CAPN9: variants seen among roughly 807,000 people sequenced by gnomAD.
CAPN9 encodes calpain 9.
CAPN9 carries 81 observed loss-of-function variants against 92.8 expected under a neutral mutation model. The observed-to-expected ratio is 0.87, with a 90% CI of 0.73 to 1.05. The LOEUF is 1.05. Among genes scored for constraint, CAPN9 ranks in the 50% least tolerant of loss-of-function variants. The pLI is 0.00. For missense variants in CAPN9, 848 were observed against 866.2 expected (o/e 0.98, Z 0.26); for synonymous variants, 304 against 328.0 (o/e 0.93, Z 0.79).
At chr1:230,751,541 GA>G (rs72171772) in intron 1 of CAPN9, among the ~76,000 whole-genome samples, 37,325 of 135,768 alleles carry the variant, frequency 0.27, 6,183 homozygotes, top group Non-Finnish European at 0.34. Flanking sequence ...AAGAAAGATA[GA>G]AAAAAAGAAA....
At chr1:230,765,268 T>G (rs1194716156) in intron 4 of CAPN9, among the ~76,000 whole-genome samples, 1 of 134,728 alleles carries the variant, frequency 7.4e-6, no homozygotes. Flanking sequence ...CAAATGAGGT[T>G]ATGCCAAAAG....
At chr1:230,780,412 C>A in intron 10 of CAPN9, 76 bp downstream of exon 10, 1 of 1,596,908 alleles carries the variant, frequency 6.3e-7, no homozygotes, top group Non-Finnish European at 8.6e-7. Flanking sequence ...GGTCTCACAC[C>A]CGAGACTCAA....
chr1:230,771,470 T>C (rs1162260280), intron 6 of CAPN9, among the ~76,000 whole-genome samples: 2 of 152,248 alleles, frequency 1.3e-5, no homozygotes, highest in African/African-American at 4.8e-5. Flanking sequence ...AAGGAGAATA[T>C]TGGGTCTAGA....
intron 17 of CAPN9, 149 bp downstream of exon 17, chr1:230,793,077 G>T: frequency 1.5e-6 from 1 of 649,678 alleles, no homozygotes; most frequent in Non-Finnish European, 2.7e-6. Context: ...CCCTTGGAGT[G>T]GTGGCACCAG....
At chr1:230,766,106 T>A (rs1665969390) in intron 4 of CAPN9, among the ~76,000 whole-genome samples, 1 of 151,960 alleles carries the variant, frequency 6.6e-6, no homozygotes, top group Admixed American at 6.6e-5. Context: ...ATTATTTACT[T>A]TTTTTTGGAG....
chr1:230,796,000 T>C (rs1246231578), intron 18 of CAPN9, among the ~76,000 whole-genome samples: 4 of 148,004 alleles, frequency 2.7e-5, no homozygotes, highest in Non-Finnish European at 4.4e-5. Context: ...CTATGTTCCA[T>C]AGGCCACTTC....
rs780029795 is a variant in CAPN9 at position 230,747,685 on chromosome 1, C to G, written c.189C>G (p.Ile63Met). 2 of 1,614,186 alleles carry G rather than the reference C, an allele frequency of 1.2e-6. No homozygotes were observed. The highest frequency in any genetic ancestry group is 8.5e-7 in the Non-Finnish European group (1 of 1,180,028). Residue 63 changes from isoleucine (I) to methionine (M), a missense_variant, in exon 1 of 20, where the codon ATC (isoleucine) becomes ATG (methionine). Physicochemically the swap from Ile to Met is conservative, Grantham distance 10. Coordinates refer to ENST00000271971, the MANE Select transcript of CAPN9 (RefSeq NM_006615.3). ...TGTTCTACAGTGAGAGGCCGCAGAT[C>G]CCCTTTGTGTGGAAACGACCAGGGG... Reference protein sequence around the residue: ...SSLFYSERPQIPFVWKRPGEI... With the variant: ...SSLFYSERPQMPFVWKRPGEI...
At chr1:230,789,460 C>A (rs1667826633) in intron 13 of CAPN9, among the ~76,000 whole-genome samples, 1 of 115,306 alleles carries the variant, frequency 8.7e-6, no homozygotes, top group Non-Finnish European at 1.6e-5. Context: ...GATGACAGAG[C>A]AAGACCCTGT....
In CAPN9 at chr1:230,760,683, C is replaced by A. The variant is rs373907932; in HGVS notation, c.402+1053C>A. On this transcript the variant is annotated intron_variant, in intron 3 of 19. Transcript: ENST00000271971. ...GGGAAACTCTACCCCTGCTCTCTCACAGACCTGCCACCACCTGGCTGTCTC... is the reference window on the plus strand; with the variant it reads ...GGGAAACTCTACCCCTGCTCTCTCAAAGACCTGCCACCACCTGGCTGTCTC... 2.4e-4 allele frequency among the ~76,000 whole-genome samples: 36 copies of A among 152,252 alleles called. 1 individual carries two copies. In the East Asian group the frequency reaches 4.7e-3, roughly 20 times the overall value.
intron 4 of CAPN9, 106 bp from the exon 5 acceptor site, chr1:230,767,435 C>T: frequency 2.1e-6 from 2 of 932,988 alleles, no homozygotes; most frequent in Non-Finnish European, 3.2e-6. Context: ...CCAGGGCAAG[C>T]CCTGGGAGAT....
intron 11 of CAPN9, 91 bp downstream of exon 11, chr1:230,780,799 A>G (rs1667166463): frequency 3.1e-6 from 3 of 972,228 alleles, no homozygotes; most frequent in Non-Finnish European, 5.0e-6. Flanking sequence ...CCAAGACTCC[A>G]TTCTTCCCTT....
At chr1:230,758,307 C>T (rs559236274) in intron 2 of CAPN9, among the ~76,000 whole-genome samples, 4 of 152,180 alleles carry the variant, frequency 2.6e-5, no homozygotes, top group Non-Finnish European at 5.9e-5. Flanking sequence ...CCAAGTCTCT[C>T]CTTATCTTTG....
At chr1:230,778,568 C>T (rs180858848) in intron 8 of CAPN9, among the ~76,000 whole-genome samples, 3 of 152,302 alleles carry the variant, frequency 2.0e-5, no homozygotes, top group East Asian at 1.9e-4. Flanking sequence ...CTCTCTGCCT[C>T]GGGGCCTTGC....
chr1:230,761,645 T>A (rs929113204), intron 3 of CAPN9, among the ~76,000 whole-genome samples: 9 of 151,958 alleles, frequency 5.9e-5, no homozygotes, highest in Non-Finnish European at 1.3e-4. Context: ...ATGCTCAGGA[T>A]GACACAGCAA....
At chr1:230,782,390 AC>A (rs1230455699) in intron 11 of CAPN9, among the ~76,000 whole-genome samples, 2 of 151,962 alleles carry the variant, frequency 1.3e-5, no homozygotes, top group African/African-American at 4.8e-5. Context: ...AGGGAGGACT[AC>A]CCCCAATTGA....
chr1:230,788,459 T>TGAGCC (rs1418417619), intron 13 of CAPN9, among the ~76,000 whole-genome samples: 1 of 152,146 alleles, frequency 6.6e-6, no homozygotes, highest in Non-Finnish European at 1.5e-5. Context: ...GAGCCATAAA[T>TGAGCC]ACAATGAGCT....
Position 230,780,287 on chromosome 1 carries a change from T to G in CAPN9, c.1223T>G (p.Leu408Arg), listed in dbSNP as rs1667127207. 6.2e-7 allele frequency: 1 copy of G among 1,614,162 alleles called. No individual in the cohort carries two copies. Among genetic ancestry groups the G allele is most frequent in the Non-Finnish European group, 8.5e-7 (1 of 1,180,024 alleles). Reference protein sequence around the residue: ...VALMQKDRRKLKRFGANVLTI... With the variant: ...VALMQKDRRKRKRFGANVLTI... The stretch of plus-strand genomic sequence containing the variant: ...CTGATGCAGAAAGATAGAAGGAAAC[T>G]CAAGAGATTTGGTGCCAATGTGCTG... The change falls in exon 10 of 20, where the codon CTC becomes CGC. Residue 408 changes from leucine to arginine, a missense_variant. Physicochemically the swap from Leu to Arg is moderately radical, Grantham distance 102 (BLOSUM62 -2). Transcript: ENST00000271971.
At chr1:230,761,914 A>G (rs1338968516) in intron 3 of CAPN9, among the ~76,000 whole-genome samples, 2 of 152,194 alleles carry the variant, frequency 1.3e-5, no homozygotes, top group Non-Finnish European at 2.9e-5. Context: ...CGTGTGTAGA[A>G]GCACTTGCAA....
intron 11 of CAPN9, among the ~76,000 whole-genome samples, chr1:230,783,744 A>T (rs1276947324): frequency 6.6e-6 from 1 of 152,248 alleles, no homozygotes; most frequent in East Asian, 1.9e-4. Context: ...GGGCATTGTT[A>T]TAAAGATAAC....
Sources: allele counts gnomAD v4.1 joint callset (sites outside exome capture counted in the v4.1 genomes callset), GRCh38; gene constraint gnomAD v4.1.1; transcripts MANE v1.5; gene names NCBI Gene and HGNC (gene_info 2026-07-23, HGNC 2026-07-21).